The following ST6GALNAC3 variants were observed in gnomAD, a reference collection of about 807,000 sequenced individuals.
ST6GALNAC3 encodes the protein alpha-N-acetylgalactosaminide alpha-2,6-sialyltransferase 3.
In ST6GALNAC3, 25 loss-of-function variants were observed where a neutral mutation model predicts 32.7. The ratio of observed to expected loss-of-function variants is 0.76; its 90% CI spans 0.56 to 1.07. ST6GALNAC3 has a LOEUF of 1.07. Ranked by LOEUF, ST6GALNAC3 falls within the 50% of genes least tolerant of loss-of-function variation. ST6GALNAC3 has a pLI of 0.00. For synonymous variants in ST6GALNAC3, 129 were observed against 133.1 expected (o/e 0.97, Z 0.21); for missense variants, 355 against 382.4 (o/e 0.93, Z 0.60).
chr1:76,220,750 A>C (rs1314131725), intron 1 of ST6GALNAC3, among the ~76,000 whole-genome samples: 1 of 152,204 alleles, frequency 6.6e-6, no homozygotes, highest in African/African-American at 2.4e-5. Context: ...GGAATAGCTC[A>C]TGTAAATGCC....
At chr1:76,516,745 A>G (rs970165144) in intron 3 of ST6GALNAC3, among the ~76,000 whole-genome samples, 4 of 152,042 alleles carry the variant, frequency 2.6e-5, no homozygotes, top group Non-Finnish European at 2.9e-5. Flanking sequence ...AACACAGCAT[A>G]TGTCTCTTAG....
intron 2 of ST6GALNAC3, among the ~76,000 whole-genome samples, chr1:76,323,217 A>T (rs1242970408): frequency 6.6e-6 from 1 of 152,216 alleles, no homozygotes; most frequent in Non-Finnish European, 1.5e-5. Flanking sequence ...TGAATAAAAT[A>T]CATGGGAAGC....
intron 3 of ST6GALNAC3, among the ~76,000 whole-genome samples, chr1:76,463,512 T>C (rs1188167392): frequency 6.6e-6 from 1 of 152,170 alleles, no homozygotes; most frequent in East Asian, 1.9e-4. Context: ...AAATTGAAAA[T>C]GCTCTTCTTA....
chr1:76,329,994 A>G (rs1647158645), intron 2 of ST6GALNAC3, among the ~76,000 whole-genome samples: 1 of 151,638 alleles, frequency 6.6e-6, no homozygotes, highest in Non-Finnish European at 1.5e-5. Flanking sequence ...TTTTCATTAG[A>G]GACGTGATTT....
intron 3 of ST6GALNAC3, among the ~76,000 whole-genome samples, chr1:76,462,920 C>G (rs1658379345): frequency 6.6e-6 from 1 of 152,082 alleles, no homozygotes; most frequent in South Asian, 2.1e-4. Context: ...AGATTGTACT[C>G]TGAAGTATAT....
intron 3 of ST6GALNAC3, among the ~76,000 whole-genome samples, chr1:76,425,237 T>A (rs1240270625): frequency 6.6e-6 from 1 of 151,980 alleles, no homozygotes; most frequent in Admixed American, 6.6e-5. Context: ...TCATTTCTAA[T>A]GTCTGCCTTC....
chr1:76,622,431 T>A (rs75688208), intron 3 of ST6GALNAC3, among the ~76,000 whole-genome samples: 2,819 of 151,980 alleles, frequency 0.019, 93 homozygotes, highest in African/African-American at 0.062. Context: ...ATCAGGGGAC[T>A]GTGAATGAGC....
chr1:76,350,488 A>C (rs1165127989), intron 2 of ST6GALNAC3, among the ~76,000 whole-genome samples: 1 of 152,238 alleles, frequency 6.6e-6, no homozygotes, highest in Non-Finnish European at 1.5e-5. Flanking sequence ...AAAGAACATG[A>C]AAATGTCTTT....
At chr1:76,127,367 C>G (rs1649320523) in intron 1 of ST6GALNAC3, among the ~76,000 whole-genome samples, 3 of 152,178 alleles carry the variant, frequency 2.0e-5, no homozygotes, top group Non-Finnish European at 4.4e-5. Context: ...TTCCTGCTCT[C>G]TCATAACAGA....
chr1:76,202,086 A>G (rs1435987684), intron 1 of ST6GALNAC3, among the ~76,000 whole-genome samples: 1 of 152,120 alleles, frequency 6.6e-6, no homozygotes, highest in Non-Finnish European at 1.5e-5. Context: ...ACAGAGGGCA[A>G]ATCAGGTGTA....
At chr1:76,422,038 T>C (rs1382389063) in intron 3 of ST6GALNAC3, among the ~76,000 whole-genome samples, 1 of 151,978 alleles carries the variant, frequency 6.6e-6, no homozygotes, top group Non-Finnish European at 1.5e-5. Flanking sequence ...CTTCTAACAT[T>C]CTATATAATA....
At chr1:76,147,613 T>G (rs1650772625) in intron 1 of ST6GALNAC3, among the ~76,000 whole-genome samples, 1 of 152,180 alleles carries the variant, frequency 6.6e-6, no homozygotes, top group Non-Finnish European at 1.5e-5. Flanking sequence ...TTGTCGTCTA[T>G]TTTACCTCAA....
intron 1 of ST6GALNAC3, among the ~76,000 whole-genome samples, chr1:76,234,459 G>A (rs2100647086): frequency 6.6e-6 from 1 of 152,224 alleles, no homozygotes; most frequent in East Asian, 1.9e-4. Context: ...TCACATGCCA[G>A]TGGGAAGCAA....
intron 1 of ST6GALNAC3, among the ~76,000 whole-genome samples, chr1:76,130,327 C>T (rs983379670): frequency 6.6e-6 from 1 of 152,166 alleles, no homozygotes; most frequent in African/African-American, 2.4e-5. Flanking sequence ...CCATTACCAC[C>T]ACATGAAATT....
At chr1:76,309,878 A>C (rs1483534859) in intron 1 of ST6GALNAC3, 5 of 447,806 alleles carry the variant, frequency 1.1e-5, no homozygotes, top group Non-Finnish European at 2.2e-5. Flanking sequence ...AGAACATGAG[A>C]GGCAGACATG....
chr1:76,350,101 C>T (rs185959926), intron 2 of ST6GALNAC3, among the ~76,000 whole-genome samples: 1 of 152,024 alleles, frequency 6.6e-6, no homozygotes, highest in African/African-American at 2.4e-5. Flanking sequence ...ATGCATTATT[C>T]ATGTAACATT....
intron 2 of ST6GALNAC3, among the ~76,000 whole-genome samples, chr1:76,411,003 A>G (rs1177509911): frequency 1.3e-5 from 2 of 152,160 alleles, no homozygotes; most frequent in African/African-American, 4.8e-5. Flanking sequence ...TAAAAATTCA[A>G]GATCGAATGT....
intron 2 of ST6GALNAC3, among the ~76,000 whole-genome samples, chr1:76,372,565 T>A (rs954213445): frequency 2.0e-5 from 3 of 152,116 alleles, no homozygotes; most frequent in Non-Finnish European, 4.4e-5. Context: ...ATACCCAGAA[T>A]TAAAACTTCA....
rs114147175 is a variant in ST6GALNAC3, at chr1:76,569,006, C to T, written c.624-58446C>T. 3.5e-3 allele frequency among the ~76,000 whole-genome samples: 533 copies of T among 152,164 alleles called. 2 individuals are homozygous for T. The highest frequency in any genetic ancestry group is 5.3e-3 in the Non-Finnish European group (362 of 68,008). On this transcript the variant is annotated intron_variant, in intron 3 of 4. Transcript: ENST00000328299. ...GTCTGTAGAAGCATCCCAGGCATAC[C>T]GAATGGCGTACAAAACAGACCTTAA...
Sources: allele counts gnomAD v4.1 joint callset (sites outside exome capture counted in the v4.1 genomes callset), GRCh38; gene constraint gnomAD v4.1.1; transcripts MANE v1.5; gene names NCBI Gene and HGNC (gene_info 2026-07-23, HGNC 2026-07-21).